Variants in RBFOX1 observed in about 807,000 individuals in gnomAD.
RBFOX1 encodes the protein RNA binding fox-1 homolog 1, also known as RNA binding protein fox-1 homolog 1.
In RBFOX1, 8 loss-of-function variants were observed where a neutral mutation model predicts 57.7. That is an observed-to-expected ratio of 0.14 (90% CI 0.08 to 0.25). The LOEUF (loss-of-function observed/expected upper bound fraction) is 0.25. RBFOX1 is among the 10% of genes least tolerant of loss of function. The probability of loss-of-function intolerance (pLI) is 1.00; values close to 1 mark genes in which losing one functional copy is unlikely to be tolerated. For synonymous variants in RBFOX1, 326 were observed against 222.4 expected (o/e 1.47, Z -4.15); for missense variants, 611 against 548.5 (o/e 1.11, Z -1.14).
At chr16:6,161,623 G>A (rs559500501) in intron 1 of RBFOX1, among the ~76,000 whole-genome samples, 17 of 152,242 alleles carry the variant, frequency 1.1e-4, no homozygotes, top group Non-Finnish European at 2.5e-4. Flanking sequence ...ACTTTCAAAT[G>A]ACAAATGCCC....
chr16:6,613,471 C>A (rs143306294), intron 2 of RBFOX1, among the ~76,000 whole-genome samples: 1 of 152,050 alleles, frequency 6.6e-6, no homozygotes. Flanking sequence ...TCTTCCGCTC[C>A]AACCCTTAAA....
chr16:7,550,846 C>A (rs562658566), intron 5 of RBFOX1, among the ~76,000 whole-genome samples: 2 of 151,974 alleles, frequency 1.3e-5, no homozygotes, highest in South Asian at 4.2e-4. Flanking sequence ...ATAATCCGAA[C>A]GCTTTGAGAG....
At chr16:5,814,744 A>C (rs545718458) in intron 3 of RBFOX1, among the ~76,000 whole-genome samples, 169 of 152,124 alleles carry the variant, frequency 1.1e-3, no homozygotes, top group African/African-American at 3.8e-3. Flanking sequence ...CTGGCTAACA[A>C]GGTGAAACCC....
At chr16:5,428,122 C>CTG (rs3084227) in intron 1 of RBFOX1, among the ~76,000 whole-genome samples, 1,748 of 141,830 alleles carry the variant, frequency 0.012, 13 homozygotes, top group African/African-American at 0.023. Context: ...GTGTGTGTGT[C>CTG]TGTGTGTGTG....
At position 5,547,095 on chromosome 16, in the gene RBFOX1, C is replaced by T. The variant is rs116872754; in HGVS notation, c.259-51807C>T. Among the ~76,000 whole-genome samples the T allele has an allele frequency of 8.7e-4, 132 of 152,304 alleles. 3 individuals are homozygous for T. The East Asian group carries it at 0.024, about 28-fold the overall frequency. ...GGATGACTGAAAGTAGAAAGACTGA[C>T]CACACCAAGTCTTGGCAAGGATGAA... On this transcript the variant is annotated intron_variant, in intron 2 of 2. Coordinates refer to the RBFOX1 transcript ENST00000585867.
At chr16:7,079,182 C>A (rs920627562) in intron 4 of RBFOX1, among the ~76,000 whole-genome samples, 13 of 152,118 alleles carry the variant, frequency 8.5e-5, no homozygotes, top group Non-Finnish European at 1.5e-4. Flanking sequence ...ACTTCACTTC[C>A]TATCTCTGCA....
At chr16:5,332,766 A>G (rs1348178297) in intron 1 of RBFOX1, among the ~76,000 whole-genome samples, 1 of 151,938 alleles carries the variant, frequency 6.6e-6, no homozygotes, top group South Asian at 2.1e-4. Context: ...AAGAAAATAC[A>G]AGGGCAGTTT....
chr16:5,454,940 TTCCTTC>T (rs2068567288), intron 1 of RBFOX1, among the ~76,000 whole-genome samples: 2 of 50,376 alleles, frequency 4.0e-5, no homozygotes, highest in East Asian at 9.1e-4. Flanking sequence ...CCTTCCTTCC[TTCCTTC>T]CTTCCTTCCT....
chr16:6,747,612 A>G (rs2074020042), intron 3 of RBFOX1, among the ~76,000 whole-genome samples: 1 of 152,160 alleles, frequency 6.6e-6, no homozygotes, highest in Non-Finnish European at 1.5e-5. Flanking sequence ...CTCTTTAAAC[A>G]TCTCAGATAT....
intron 3 of RBFOX1, among the ~76,000 whole-genome samples, chr16:5,744,648 C>A (rs1406467100): frequency 6.6e-6 from 1 of 152,194 alleles, no homozygotes; most frequent in African/African-American, 2.4e-5. Flanking sequence ...TATTTACCAT[C>A]TCACCCGATC....
intron 2 of RBFOX1, among the ~76,000 whole-genome samples, chr16:6,494,850 C>G (rs770054343): frequency 2.6e-5 from 4 of 152,184 alleles, no homozygotes; most frequent in Admixed American, 6.5e-5. Flanking sequence ...AAACACGGCA[C>G]TAAATGCAGA....
At chr16:6,648,195 A>T (rs148974466) in intron 2 of RBFOX1, among the ~76,000 whole-genome samples, 209 of 151,882 alleles carry the variant, frequency 1.4e-3, no homozygotes, top group African/African-American at 4.6e-3. Flanking sequence ...ACAGGTGCAT[A>T]CCACCCCACC....
chr16:6,040,016 GGAGA>G (rs1018223152), intron 1 of RBFOX1, among the ~76,000 whole-genome samples: 1 of 151,992 alleles, frequency 6.6e-6, no homozygotes, highest in East Asian at 1.9e-4. Context: ...CAAGAGGTAG[GGAGA>G]GAGAGAGAGT....
chr16:5,679,596 A>T (rs2050267830), intron 3 of RBFOX1, among the ~76,000 whole-genome samples: 1 of 152,280 alleles, frequency 6.6e-6, no homozygotes, highest in South Asian at 2.1e-4. Flanking sequence ...GAGTGAGAAC[A>T]TGCAGTGTCT....
At chr16:7,468,284 G>A (rs1406523578) in intron 4 of RBFOX1, among the ~76,000 whole-genome samples, 1 of 152,096 alleles carries the variant, frequency 6.6e-6, no homozygotes, top group Non-Finnish European at 1.5e-5. Flanking sequence ...TGTATGCTCT[G>A]GCACCTTATC....
chr16:5,304,064 T>C (rs2063871310), intron 1 of RBFOX1, among the ~76,000 whole-genome samples: 1 of 152,252 alleles, frequency 6.6e-6, no homozygotes, highest in Non-Finnish European at 1.5e-5. Context: ...CTAATTTTAC[T>C]TAAATTTCCT....
At chr16:5,822,103 T>A (rs2055878106) in intron 3 of RBFOX1, among the ~76,000 whole-genome samples, 1 of 152,236 alleles carries the variant, frequency 6.6e-6, no homozygotes, top group Admixed American at 6.5e-5. Context: ...TGAATTGTGC[T>A]GCCACAAACA....
intron 2 of RBFOX1, among the ~76,000 whole-genome samples, chr16:6,424,605 C>CTGTGTGTGTGTGTGTG (rs1228638690): frequency 8.3e-3 from 118 of 14,288 alleles, no homozygotes; most frequent in African/African-American, 0.024. Flanking sequence ...CTTAAGAGCA[C>CTGTGTGTGTGTGTGTG]TGTGTGTGTG....
At chr16:6,281,253 C>T (rs757321679) in intron 1 of RBFOX1, among the ~76,000 whole-genome samples, 6 of 152,094 alleles carry the variant, frequency 3.9e-5, no homozygotes, top group East Asian at 2.0e-4. Context: ...AGATGTGATC[C>T]CACGGAATTG....
Sources: gnomAD v4.1 joint callset for allele counts (sites outside exome capture counted in the v4.1 genomes callset) on GRCh38, gnomAD v4.1.1 for gene constraint, MANE v1.5 for transcripts, NCBI Gene and HGNC (gene_info 2026-07-23, HGNC 2026-07-21) for gene names.